METTL8: variants seen among roughly 807,000 people sequenced by gnomAD.
The protein encoded by METTL8 is methyltransferase 8, tRNA N3-cytidine.
In METTL8, 32 loss-of-function variants were observed where a neutral mutation model predicts 48.7. The ratio of observed to expected loss-of-function variants is 0.66; its 90% CI spans 0.50 to 0.88. The LOEUF (loss-of-function observed/expected upper bound fraction) is 0.88, where lower values mean the gene tolerates loss of function less well. METTL8 is among the 40% of genes least tolerant of loss of function. The pLI is 0.00. For missense variants in METTL8, 464 were observed against 474.4 expected, an observed-to-expected ratio of 0.98 and a Z score of 0.20; for synonymous variants, 136 against 157.1, an observed-to-expected ratio of 0.87 and a Z score of 1.01.
chr2:171,395,946 C>A (rs55904156), intron 1 of METTL8, among the ~76,000 whole-genome samples: 2 of 152,140 alleles, frequency 1.3e-5, no homozygotes, highest in African/African-American at 2.4e-5. Context: ...GTAGACCATA[C>A]GCTGGGCTAT....
At chr2:171,401,713 C>G (rs146903944) in intron 1 of METTL8, among the ~76,000 whole-genome samples, 142 of 152,136 alleles carry the variant, frequency 9.3e-4, no homozygotes, top group African/African-American at 3.1e-3. Context: ...TTATACTGGG[C>G]CAGAATGAAA....
At chr2:171,352,589 A>G (rs866684009) in intron 3 of METTL8, among the ~76,000 whole-genome samples, 1 of 152,138 alleles carries the variant, frequency 6.6e-6, no homozygotes. Flanking sequence ...CTGTGAATCC[A>G]TCTGGTCCTG....
chr2:171,389,402 C>A (rs1287481382), intron 2 of METTL8, among the ~76,000 whole-genome samples: 1 of 151,290 alleles, frequency 6.6e-6, no homozygotes, highest in Admixed American at 6.6e-5. Context: ...TGCCTATAGT[C>A]CCAGCTACTT....
At chr2:171,335,032 G>A (rs893797285) in intron 5 of METTL8, among the ~76,000 whole-genome samples, 1 of 152,188 alleles carries the variant, frequency 6.6e-6, no homozygotes, top group Non-Finnish European at 1.5e-5. Flanking sequence ...CCAATGTAGT[G>A]TATTTACGTG....
intron 2 of METTL8, among the ~76,000 whole-genome samples, chr2:171,371,836 C>CTAT (rs4027587): frequency 0.071 from 10,271 of 143,744 alleles, 497 homozygotes; most frequent in East Asian, 0.18. Flanking sequence ...GTTATTATTA[C>CTAT]TATTATTATT....
At chr2:171,387,684 TAA>T (rs1223563956) in intron 2 of METTL8, among the ~76,000 whole-genome samples, 2 of 152,148 alleles carry the variant, frequency 1.3e-5, no homozygotes, top group Non-Finnish European at 2.9e-5. Context: ...TTTTTTGTAC[TAA>T]GTTTTTAAAA....
chr2:171,434,436 C>T (rs1301296084), upstream of METTL8: 3 of 1,429,334 alleles, frequency 2.1e-6, no homozygotes, highest in Admixed American at 2.0e-5. Context: ...GCTCCCTGCC[C>T]GCCTCCCCGT....
chr2:171,412,825 T>C (rs941770441), intron 1 of METTL8, among the ~76,000 whole-genome samples: 3 of 152,078 alleles, frequency 2.0e-5, no homozygotes, highest in African/African-American at 7.2e-5. Context: ...TTCTCAAAAA[T>C]AAATGAAGTA....
At chr2:171,349,151 C>T (rs1683606631) in intron 3 of METTL8, among the ~76,000 whole-genome samples, 1 of 152,118 alleles carries the variant, frequency 6.6e-6, no homozygotes, top group South Asian at 2.1e-4. Context: ...ACAACTCCCC[C>T]TTTTATGAAA....
intron 1 of METTL8, among the ~76,000 whole-genome samples, chr2:171,402,464 G>T (rs111534300): frequency 4.3e-4 from 65 of 152,220 alleles, no homozygotes; most frequent in African/African-American, 1.6e-3. Context: ...GGAGTGGGAG[G>T]TTACAAACAA....
In METTL8 at chr2:171,319,400, A is replaced by C. The variant is rs1195743005; in HGVS notation, c.*4772T>G. On this transcript the variant is annotated 3_prime_UTR_variant, in exon 10 of 10. Coordinates refer to ENST00000375258, the MANE Select transcript of METTL8 (RefSeq NM_001321154.2). ...AGGAGCATAACAAACATCAAAACCA[A>C]TTAGAAGTAACAATGTGTGATCTAT... The C allele has an allele frequency of 6.6e-6, 1 of 152,222 alleles. No individual in the cohort carries two copies. The highest frequency in any genetic ancestry group is 1.5e-5 in the Non-Finnish European group (1 of 68,040). 9.4% of individuals were successfully genotyped at this position (152,222 alleles called of 1,614,324 possible).
intron 3 of METTL8, among the ~76,000 whole-genome samples, chr2:171,351,507 T>C (rs1013824200): frequency 2.0e-5 from 3 of 152,184 alleles, no homozygotes; most frequent in Admixed American, 6.6e-5. Flanking sequence ...AAGAAAGTCA[T>C]TGGCAGCTTG....
chr2:171,356,953 T>TGTTTTTTTTTTTTTG (rs1553514755), intron 3 of METTL8, among the ~76,000 whole-genome samples: 1 of 14,076 alleles, frequency 7.1e-5, no homozygotes, highest in African/African-American at 1.9e-4. Flanking sequence ...AAAGACAATA[T>TGTTTTTTTTTTTTTG]TTTTTTTTTT....
intron 1 of METTL8, among the ~76,000 whole-genome samples, chr2:171,412,414 C>T (rs946351794): frequency 1.1e-4 from 17 of 152,176 alleles, no homozygotes; most frequent in African/African-American, 4.1e-4. Flanking sequence ...ATTTCACTGG[C>T]CAGAATTTGG....
chr2:171,386,767 A>C (rs1022349946), intron 2 of METTL8, among the ~76,000 whole-genome samples: 1 of 152,028 alleles, frequency 6.6e-6, no homozygotes, highest in Non-Finnish European at 1.5e-5. Context: ...TTTCCTGCCC[A>C]AATGTTGTAT....
At chr2:171,384,691 T>C (rs28585002) in intron 2 of METTL8, among the ~76,000 whole-genome samples, 126 of 150,214 alleles carry the variant, frequency 8.4e-4, no homozygotes, top group African/African-American at 2.9e-3. Flanking sequence ...ATTAGCCAGG[T>C]GTGGGTAGCA....
At chr2:171,346,823 G>A (rs570537107) in intron 3 of METTL8, among the ~76,000 whole-genome samples, 6 of 152,326 alleles carry the variant, frequency 3.9e-5, no homozygotes, top group African/African-American at 1.4e-4. Context: ...ATATTCATCA[G>A]AGACATTAAA....
chr2:171,366,152 T>C (rs1685695189), intron 2 of METTL8, among the ~76,000 whole-genome samples: 1 of 151,980 alleles, frequency 6.6e-6, no homozygotes, highest in African/African-American at 2.4e-5. Flanking sequence ...AGAGAGAGGA[T>C]TCTAGGAATG....
chr2:171,352,879 C>T (rs1684092492), intron 3 of METTL8, among the ~76,000 whole-genome samples: 1 of 152,038 alleles, frequency 6.6e-6, no homozygotes, highest in Non-Finnish European at 1.5e-5. Flanking sequence ...ATTAGTCTTG[C>T]TAGCGGTCTA....
Sources: gnomAD v4.1 joint callset for allele counts (sites outside exome capture counted in the v4.1 genomes callset) on GRCh38, gnomAD v4.1.1 for gene constraint, MANE v1.5 for transcripts, NCBI Gene and HGNC (gene_info 2026-07-23, HGNC 2026-07-21) for gene names.